Variants in DLGAP1 observed in about 807,000 individuals in gnomAD.
DLGAP1 encodes the protein DLG associated protein 1.
DLGAP1 carries 11 observed loss-of-function variants against 90.8 expected under a neutral mutation model. That is an observed-to-expected ratio of 0.12 (90% CI 0.08 to 0.20). The LOEUF (loss-of-function observed/expected upper bound fraction) is 0.20. Ranked by LOEUF, DLGAP1 falls within the 10% of genes least tolerant of loss-of-function variation. The pLI is 1.00. For synonymous variants in DLGAP1, 558 were observed against 540.7 expected, an observed-to-expected ratio of 1.03 and a Z score of -0.44; for missense variants, 1,050 against 1,333.8, an observed-to-expected ratio of 0.79 and a Z score of 3.31.
intron 1 of DLGAP1, among the ~76,000 whole-genome samples, chr18:4,320,863 C>T (rs2143592754): frequency 6.6e-6 from 1 of 152,122 alleles, no homozygotes; most frequent in African/African-American, 2.4e-5. Context: ...CCAATAGTGC[C>T]CTAGTATTTA....
chr18:3,899,772 C>T (rs1323231767), intron 3 of DLGAP1, among the ~76,000 whole-genome samples: 1 of 152,118 alleles, frequency 6.6e-6, no homozygotes, highest in Non-Finnish European at 1.5e-5. Flanking sequence ...CTCTGTTTTT[C>T]TCCTCTGGGG....
intron 7 of DLGAP1, among the ~76,000 whole-genome samples, chr18:3,676,692 G>GTT (rs55879211): frequency 1.4e-5 from 2 of 146,946 alleles, no homozygotes. Flanking sequence ...TACTTCTCCT[G>GTT]TTTTTTTTTT....
chr18:4,115,463 A>C (rs2076045585), intron 2 of DLGAP1, among the ~76,000 whole-genome samples: 1 of 131,910 alleles, frequency 7.6e-6, no homozygotes, highest in Non-Finnish European at 1.6e-5. Context: ...ACTACCATCT[A>C]GTGTCATTTT....
intron 7 of DLGAP1, among the ~76,000 whole-genome samples, chr18:3,663,772 A>G (rs1018249429): frequency 2.0e-5 from 3 of 152,206 alleles, no homozygotes; most frequent in Admixed American, 6.5e-5. Flanking sequence ...GACCAGCCCA[A>G]CTGTGATGGT....
intron 7 of DLGAP1, among the ~76,000 whole-genome samples, chr18:3,654,177 T>A (rs1311796187): frequency 1.2e-4 from 19 of 152,278 alleles, no homozygotes; most frequent in African/African-American, 4.6e-4. Flanking sequence ...TGACTTCTGG[T>A]ATCCGCAGCC....
chr18:4,223,576 G>A (rs986010596), intron 1 of DLGAP1, among the ~76,000 whole-genome samples: 1 of 152,174 alleles, frequency 6.6e-6, no homozygotes, highest in Non-Finnish European at 1.5e-5. Context: ...GTGAGGTCAT[G>A]CAGAATTTCA....
intron 1 of DLGAP1, among the ~76,000 whole-genome samples, chr18:4,167,556 T>C (rs1392195979): frequency 6.6e-6 from 1 of 152,172 alleles, no homozygotes; most frequent in East Asian, 1.9e-4. Flanking sequence ...CTGATAAAAC[T>C]GCAAGGTGAA....
chr18:4,334,165 G>C (rs1488637654), intron 1 of DLGAP1, among the ~76,000 whole-genome samples: 2 of 151,596 alleles, frequency 1.3e-5, no homozygotes, highest in Non-Finnish European at 2.9e-5. Flanking sequence ...TTGAACCCGG[G>C]AGGCAGAGGT....
At chr18:3,666,722 C>A (rs544157331) in intron 7 of DLGAP1, among the ~76,000 whole-genome samples, 8 of 152,162 alleles carry the variant, frequency 5.3e-5, no homozygotes, top group Non-Finnish European at 1.2e-4. Context: ...TGATCAGATT[C>A]TAATCTGTCA....
At chr18:4,381,926 T>C (rs894894074) in intron 1 of DLGAP1, among the ~76,000 whole-genome samples, 2 of 152,070 alleles carry the variant, frequency 1.3e-5, no homozygotes, top group African/African-American at 2.4e-5. Flanking sequence ...AAAAGACACG[T>C]CTTACACGGC....
intron 2 of DLGAP1, among the ~76,000 whole-genome samples, chr18:4,061,598 T>G (rs1218102177): frequency 6.6e-6 from 1 of 152,220 alleles, no homozygotes; most frequent in African/African-American, 2.4e-5. Flanking sequence ...AAGGTTTTAC[T>G]AAGAATTGGG....
chr18:3,605,836 C>T (rs2057301327), intron 7 of DLGAP1, among the ~76,000 whole-genome samples: 1 of 151,608 alleles, frequency 6.6e-6, no homozygotes, highest in Admixed American at 6.6e-5. Context: ...TTTTTTTTGC[C>T]TGTCTATAGA....
At chr18:3,918,554 T>G (rs538685261) in intron 3 of DLGAP1, among the ~76,000 whole-genome samples, 41 of 152,294 alleles carry the variant, frequency 2.7e-4, no homozygotes, top group African/African-American at 9.9e-4. Flanking sequence ...CACAGAACTT[T>G]GGATTCAGGA....
intron 1 of DLGAP1, among the ~76,000 whole-genome samples, chr18:4,287,593 A>T (rs528847865): frequency 6.6e-6 from 1 of 152,300 alleles, no homozygotes; most frequent in Non-Finnish European, 1.5e-5. Context: ...TAAAACAGGA[A>T]CAGAAAACGA....
intron 3 of DLGAP1, chr18:3,977,852 C>G (rs2073629493): frequency 2.5e-6 from 1 of 393,144 alleles, no homozygotes; most frequent in African/African-American, 2.1e-5. Flanking sequence ...AGGGTCCCCT[C>G]TGATGCCTGC....
intron 1 of DLGAP1, among the ~76,000 whole-genome samples, chr18:4,304,901 A>G (rs1345135409): frequency 2.0e-5 from 3 of 151,404 alleles, no homozygotes; most frequent in Non-Finnish European, 4.4e-5. Flanking sequence ...ACTGCACTCC[A>G]GCCTGGGTGA....
At chr18:3,749,970 G>A (rs1338102918) in intron 5 of DLGAP1, among the ~76,000 whole-genome samples, 1 of 151,820 alleles carries the variant, frequency 6.6e-6, no homozygotes, top group Non-Finnish European at 1.5e-5. Flanking sequence ...CTCTTTCCTT[G>A]TTTCCAACTT....
At chr18:4,077,233 C>G (rs1016533490) in intron 2 of DLGAP1, among the ~76,000 whole-genome samples, 3 of 152,052 alleles carry the variant, frequency 2.0e-5, no homozygotes, top group African/African-American at 7.2e-5. Flanking sequence ...TTTGGTGACA[C>G]CAATTTAAAA....
chr18:3,579,273 T>C (rs924462947), intron 8 of DLGAP1, among the ~76,000 whole-genome samples: 5 of 152,234 alleles, frequency 3.3e-5, no homozygotes, highest in African/African-American at 1.2e-4. Flanking sequence ...TGCAATGGCA[T>C]GATCTCGGCT....
Sources: allele counts gnomAD v4.1 joint callset (sites outside exome capture counted in the v4.1 genomes callset), GRCh38; gene constraint gnomAD v4.1.1; transcripts MANE v1.5; gene names NCBI Gene and HGNC (gene_info 2026-07-23, HGNC 2026-07-21).